Variants in PCDH15 observed in about 807,000 individuals in gnomAD.
PCDH15 encodes protocadherin related 15, also known as protocadherin-15.
In PCDH15, 129 loss-of-function variants were observed where a neutral mutation model predicts 178.5. That is an observed-to-expected ratio of 0.72 (90% CI 0.63 to 0.84). The LOEUF (loss-of-function observed/expected upper bound fraction) is 0.84, where lower values mean the gene tolerates loss of function less well. PCDH15 is among the 40% of genes least tolerant of loss of function. The pLI is 0.00. For missense variants in PCDH15, 2,230 were observed against 2,099.9 expected (o/e 1.06, Z -1.21); for synonymous variants, 800 against 732.0 (o/e 1.09, Z -1.50).
intron 2 of PCDH15, among the ~76,000 whole-genome samples, chr10:54,954,288 C>T (rs950812312): frequency 2.6e-5 from 4 of 151,370 alleles, no homozygotes; most frequent in Admixed American, 6.6e-5. Context: ...TCTCATCTAT[C>T]AGGAAAACAC....
intron 8 of PCDH15, among the ~76,000 whole-genome samples, chr10:54,296,999 G>A (rs987014919): frequency 6.6e-6 from 1 of 152,114 alleles, no homozygotes; most frequent in African/African-American, 2.4e-5. Flanking sequence ...TTGTGGTCTA[G>A]GAGGAAAACT....
intron 1 of PCDH15, among the ~76,000 whole-genome samples, chr10:55,304,615 G>A (rs895749247): frequency 1.3e-5 from 2 of 152,048 alleles, no homozygotes; most frequent in African/African-American, 2.4e-5. Flanking sequence ...AGAAAAAAAA[G>A]CATTGTTTTC....
rs1226549900 is a variant in PCDH15, at chr10:54,336,048, G to A, written c.595-6342C>T. Among the ~76,000 whole-genome samples the A allele has an allele frequency of 1.3e-5, 2 of 152,138 alleles. 1 individual carries two copies. Among genetic ancestry groups the A allele is most frequent in the East Asian group, 3.9e-4 (2 of 5,174 alleles). On this transcript the variant is annotated intron_variant, in intron 6 of 37. Coordinates refer to ENST00000644397, the MANE Select transcript of PCDH15 (RefSeq NM_001384140.1). ...AACCCTTGCTATGTTTTATCAAAGA[G>A]ACTGGTGGCATTTTGTCCCTGACGT...
intron 2 of PCDH15, among the ~76,000 whole-genome samples, chr10:54,662,288 CAT>C (rs1469131006): frequency 6.6e-6 from 1 of 151,914 alleles, no homozygotes; most frequent in Non-Finnish European, 1.5e-5. Flanking sequence ...GACCAACAAA[CAT>C]ATGAAAAAAC....
chr10:54,661,428 C>G (rs2094489382), intron 2 of PCDH15, among the ~76,000 whole-genome samples: 1 of 151,746 alleles, frequency 6.6e-6, no homozygotes, highest in Non-Finnish European at 1.5e-5. Flanking sequence ...GAAAAATATC[C>G]CATGATCATT....
chr10:55,569,959 A>G (rs2132108594), intron 2 of PCDH15, among the ~76,000 whole-genome samples: 1 of 151,616 alleles, frequency 6.6e-6, no homozygotes, highest in Admixed American at 6.6e-5. Context: ...TTTTCATAAT[A>G]GTGCTATTTT....
intron 8 of PCDH15, among the ~76,000 whole-genome samples, chr10:54,310,940 A>C (rs1400324466): frequency 1.3e-5 from 2 of 152,130 alleles, no homozygotes; most frequent in African/African-American, 4.8e-5. Context: ...AGACTGTAAT[A>C]TATTTAATGT....
intron 8 of PCDH15, among the ~76,000 whole-genome samples, chr10:54,308,335 T>C (rs1427820629): frequency 6.6e-6 from 1 of 152,124 alleles, no homozygotes; most frequent in African/African-American, 2.4e-5. Context: ...AACAAACTCC[T>C]TAACAAGAAG....
At chr10:54,145,256 T>C (rs1421360977) in intron 14 of PCDH15, among the ~76,000 whole-genome samples, 1 of 152,056 alleles carries the variant, frequency 6.6e-6, no homozygotes, top group African/African-American at 2.4e-5. Context: ...TGCTAGCTTA[T>C]AGAGGATTGT....
chr10:54,083,153 T>G lies in PCDH15; in HGVS notation c.1998-3729A>C, dbSNP rs527754162. On this transcript the variant is annotated intron_variant, in intron 16 of 37. Transcript: ENST00000644397. ...AAATAATTGTTGGCAAAAATGGGAATAAATCAGAATCCTCATATATTTCTG... is the reference window on the plus strand; with the variant it reads ...AAATAATTGTTGGCAAAAATGGGAAGAAATCAGAATCCTCATATATTTCTG... Among the ~76,000 whole-genome samples the G allele has an allele frequency of 1.5e-4, 23 of 152,254 alleles. No individual in the cohort carries two copies. In the South Asian group the frequency reaches 3.9e-3, roughly 26 times the overall value.
intron 2 of PCDH15, among the ~76,000 whole-genome samples, chr10:55,537,804 T>C (rs1178284802): frequency 1.3e-5 from 2 of 152,218 alleles, no homozygotes; most frequent in Non-Finnish European, 2.9e-5. Flanking sequence ...AAAATACTAT[T>C]TATTAAAACA....
At chr10:55,049,956 G>A (rs944263142) in intron 2 of PCDH15, among the ~76,000 whole-genome samples, 1 of 151,874 alleles carries the variant, frequency 6.6e-6, no homozygotes, top group Admixed American at 6.6e-5. Context: ...TTTTTAATTG[G>A]AAATTTCAAT....
chr10:54,603,217 C>G (rs779308423), intron 2 of PCDH15, among the ~76,000 whole-genome samples: 1 of 151,840 alleles, frequency 6.6e-6, no homozygotes, highest in Non-Finnish European at 1.5e-5. Flanking sequence ...TCTGAGACAT[C>G]TGTTGTAATG....
intron 15 of PCDH15, among the ~76,000 whole-genome samples, chr10:54,102,518 G>A (rs2136168997): frequency 6.6e-6 from 1 of 152,280 alleles, no homozygotes; most frequent in East Asian, 1.9e-4. Flanking sequence ...TTATGCTCAG[G>A]CCAAATAGGA....
intron 2 of PCDH15, among the ~76,000 whole-genome samples, chr10:55,056,223 C>A: frequency 6.6e-6 from 1 of 152,144 alleles, no homozygotes; most frequent in Non-Finnish European, 1.5e-5. Flanking sequence ...AAATGAACAA[C>A]AACACCACCA....
chr10:53,927,403 A>C (rs10825166), intron 25 of PCDH15, among the ~76,000 whole-genome samples: 77,872 of 151,662 alleles, frequency 0.51, 21,789 homozygotes, highest in Middle Eastern at 0.7. Context: ...AACTCATCAA[A>C]TGTTCTTGCA....
chr10:55,173,107 A>T (rs1364327371), intron 1 of PCDH15, among the ~76,000 whole-genome samples: 1 of 152,014 alleles, frequency 6.6e-6, no homozygotes, highest in Non-Finnish European at 1.5e-5. Flanking sequence ...CAATTCTGCA[A>T]AAAATTGATT....
At chr10:55,155,903 CA>C (rs1053757617) in intron 2 of PCDH15, among the ~76,000 whole-genome samples, 3 of 152,042 alleles carry the variant, frequency 2.0e-5, no homozygotes, top group Non-Finnish European at 4.4e-5. Flanking sequence ...CAAGGTACTT[CA>C]ATAGAGATAT....
intron 8 of PCDH15, among the ~76,000 whole-genome samples, chr10:54,295,274 G>C (rs1414741003): frequency 3.3e-5 from 5 of 152,022 alleles, no homozygotes; most frequent in Non-Finnish European, 5.9e-5. Flanking sequence ...GGACCAATAA[G>C]TGCTCTGTAA....
Sources: allele counts gnomAD v4.1 joint callset (sites outside exome capture counted in the v4.1 genomes callset), GRCh38; gene constraint gnomAD v4.1.1; transcripts MANE v1.5; gene names NCBI Gene and HGNC (gene_info 2026-07-23, HGNC 2026-07-21).